PODNL1: variants seen among roughly 807,000 people sequenced by gnomAD.
PODNL1 encodes podocan-like protein 1.
A neutral mutation model predicts 45.1 loss-of-function variants in PODNL1; 50 were observed. That is an observed-to-expected ratio of 1.11 (90% CI 0.88 to 1.40). The LOEUF (loss-of-function observed/expected upper bound fraction) is 1.40, where lower values mean the gene tolerates loss of function less well. Ranked by LOEUF, PODNL1 falls within the 40% of genes most tolerant of loss-of-function variation. The pLI, the probability that PODNL1 is intolerant of heterozygous loss-of-function variation, is 0.00. For missense variants in PODNL1, 788 were observed against 793.3 expected (o/e 0.99, Z 0.08); for synonymous variants, 406 against 372.5 (o/e 1.09, Z -1.04).
chr19:13,939,704 T>C (rs2145447562), upstream of PODNL1, among the ~76,000 whole-genome samples: 1 of 151,710 alleles, frequency 6.6e-6, no homozygotes, highest in African/African-American at 2.4e-5. Flanking sequence ...GAGCCCAACA[T>C]GGTGAAATCC....
intron 1 of PODNL1, among the ~76,000 whole-genome samples, chr19:13,951,470 T>C (rs1973026800): frequency 6.6e-6 from 1 of 151,308 alleles, no homozygotes; most frequent in African/African-American, 2.4e-5. Flanking sequence ...ACTCCGTCCC[T>C]ACAAAAAATA....
upstream of PODNL1, among the ~76,000 whole-genome samples, chr19:13,942,560 C>CT (rs796372774): frequency 2.6e-5 from 4 of 152,292 alleles, no homozygotes; most frequent in South Asian, 8.3e-4. Context: ...CTGCCTGGTC[C>CT]TGCCCAGTTC....
chr19:13,932,866 G>A lies in PODNL1; in HGVS notation c.1357C>T (p.Leu453=). Residue 453 remains leucine (L), a synonymous_variant, in exon 8 of 10, where the codon CTG becomes TTG. Transcript: ENST00000588872. ...AGLDQLRELS[L]AHNRLRVGDI... is the part of the protein sequence containing the mutation. ...CCGACCCGGAGCCGGTTGTGCGCCA[G>A]GCTGAGCTCCCGCAGTTGGTCCAGG... The A allele has an allele frequency of 6.2e-7, 1 of 1,610,686 alleles. No individual in the cohort carries two copies. The highest frequency in any genetic ancestry group is 8.5e-7 in the Non-Finnish European group (1 of 1,179,076).
At chr19:13,946,921 C>T (rs1026590084) in intron 1 of PODNL1, among the ~76,000 whole-genome samples, 1 of 150,386 alleles carries the variant, frequency 6.6e-6, no homozygotes, top group African/African-American at 2.4e-5. Flanking sequence ...CGTGGTGGTA[C>T]GCACTTGTAG....
Position 13,932,742 on chromosome 19 carries a change from A to T in PODNL1, c.1425+56T>A, listed in dbSNP as rs776252547. The T allele has an allele frequency of 2.0e-5, 33 of 1,611,814 alleles. No individual in the cohort carries two copies. The highest frequency in any genetic ancestry group is 2.7e-5 in the Non-Finnish European group (32 of 1,179,406). On this transcript the variant is annotated intron_variant, in intron 8 of 9. Transcript: ENST00000588872. Reference sequence around the variant, plus strand: ...TAGAATGTTTGGGACGTGGCAGGGCAGGCAGGGGGATGGAGGGGCCCTGGG... The same window carrying T: ...TAGAATGTTTGGGACGTGGCAGGGCTGGCAGGGGGATGGAGGGGCCCTGGG...
intron 8 of PODNL1, 116 bp downstream of exon 8, chr19:13,932,682 A>G (rs369762990): frequency 1.3e-6 from 2 of 1,587,354 alleles, no homozygotes. Context: ...ACCCACTCTT[A>G]TCATTTTCTT....
chr19:13,932,932 G>A lies in PODNL1; in HGVS notation c.1291C>T (p.Arg431Cys), dbSNP rs147994983. The change falls in exon 8 of 10, where the codon CGC becomes TGC. Residue 431 changes from arginine (R) to cysteine (C), a missense_variant. Coordinates refer to ENST00000588872, the MANE Select transcript of PODNL1 (RefSeq NM_001370095.3). ...PTGLRTLQLQRNQLRMLEPEP... is the reference protein window; with the variant it reads ...PTGLRTLQLQCNQLRMLEPEP... ...GGCTCGAGCATCCGCAGCTGGTTGCGTTGCAGCTGCAGGGTGCGCAGGCCA... is the reference window on the plus strand; with the variant it reads ...GGCTCGAGCATCCGCAGCTGGTTGCATTGCAGCTGCAGGGTGCGCAGGCCA... 1.5e-3 allele frequency: 2,374 copies of A among 1,570,892 alleles called. 7 individuals are homozygous for A. The highest frequency in any genetic ancestry group is 0.014 in the African/African-American group (1,002 of 74,174).
rs781111784 is a variant in PODNL1, at chr19:13,938,160, C to G, written c.3+19G>C. Reference sequence around the variant, plus strand: ...GGCAGGCAGGCCCCACCCTCAGACCCTCCCGTGCCCCACCTTACCATGGCC... The same window carrying G: ...GGCAGGCAGGCCCCACCCTCAGACCGTCCCGTGCCCCACCTTACCATGGCC... On this transcript the variant is annotated intron_variant, in intron 1 of 9. Transcript: ENST00000588872. The G allele has an allele frequency of 2.5e-6, 4 of 1,598,236 alleles. No individual in the cohort carries two copies. Among genetic ancestry groups the G allele is most frequent in the Non-Finnish European group, 3.4e-6 (4 of 1,173,114 alleles).
rs1365758220 is a variant in PODNL1, at chr19:13,933,001, G to A, written c.1222C>T (p.Leu408=). The A allele has an allele frequency of 1.3e-6, 2 of 1,544,558 alleles. No individual in the cohort carries two copies. Among genetic ancestry groups the A allele is most frequent in the Non-Finnish European group, 1.7e-6 (2 of 1,150,910 alleles). ...AGCCGGGTTAGCTGATTCCCTGCCA[G>A]GTCGAGGCTGCGCAGGGCACGCAAC... ...RRLRALRSLD[L]AGNQLTRLPM... is the part of the protein sequence containing the mutation. Residue 408 remains leucine, a synonymous_variant, in exon 8 of 10, where the codon CTG becomes TTG. Transcript: ENST00000588872. The surrounding 1 kb of genome is among the most constrained non-coding windows in gnomAD (Gnocchi z 5.2).
At chr19:13,934,539 G>T in intron 5 of PODNL1, 129 bp from the exon 6 acceptor site, 1 of 899,898 alleles carries the variant, frequency 1.1e-6, no homozygotes, top group Non-Finnish European at 1.6e-6. Context: ...GCGCGCATGT[G>T]TGGAGTCTGT....
intron 5 of PODNL1, 67 bp from the exon 6 acceptor site, chr19:13,934,477 A>C: frequency 7.1e-7 from 1 of 1,415,192 alleles, no homozygotes; most frequent in Non-Finnish European, 9.3e-7. Flanking sequence ...CCCGCACCAC[A>C]CCCTGCTCAG....
rs1307713139 is a variant in PODNL1, at chr19:13,933,940, G to A, written c.705C>T (p.Leu235=). 1.2e-6 allele frequency: 2 copies of A among 1,612,854 alleles called. No homozygotes were observed. Among genetic ancestry groups the A allele is most frequent in the East Asian group, 2.2e-5 (1 of 44,858 alleles). The change falls in exon 7 of 10, where the codon CTC becomes CTT. Residue 235 remains leucine, a synonymous_variant. Coordinates refer to ENST00000588872, the MANE Select transcript of PODNL1 (RefSeq NM_001370095.3). The surrounding 1 kb of genome is among the most constrained non-coding windows in gnomAD (Gnocchi z 5.2). ...GGTTGTGCTGGAGGTAGAGCTCACG[G>A]AGTTGAGTCTGGCGGCTCAGGGCTC... ...PRGALSRQTQ[L]RELYLQHNQL...
In PODNL1 at chr19:13,952,926, C is replaced by T. The variant is rs2145480617; in HGVS notation, c.18+193G>A. 3.5e-6 allele frequency: 3 copies of T among 859,042 alleles called. No homozygotes were observed. The East Asian group carries it at 9.3e-5, about 27-fold the overall frequency. 53.2% of individuals were successfully genotyped at this position (859,042 alleles called of 1,614,324 possible). Reference sequence around the variant, plus strand: ...GGGAGGGGGCTCGGAGGGAGGCGACCCCAGAGGCCGCAGGGAGAATCAGGA... The same window carrying T: ...GGGAGGGGGCTCGGAGGGAGGCGACTCCAGAGGCCGCAGGGAGAATCAGGA... On this transcript the variant is annotated intron_variant, in intron 1 of 7. Coordinates refer to the PODNL1 transcript ENST00000538371.
chr19:13,932,368 T>TTCATCAC, intron 8 of PODNL1: 2 of 477,704 alleles, frequency 4.2e-6, no homozygotes, highest in Non-Finnish European at 6.9e-6. Flanking sequence ...CTTTCATCAC[T>TTCATCAC]TTTTTTTTCA....
intron 1 of PODNL1, among the ~76,000 whole-genome samples, chr19:13,945,894 A>AC (rs1250885225): frequency 6.8e-6 from 1 of 146,532 alleles, no homozygotes; most frequent in Non-Finnish European, 1.5e-5. Context: ...ATTAAAAAAA[A>AC]AAAAACAAAC....
rs769372578 is a variant in PODNL1 at position 13,933,954 on chromosome 19, G to A, written c.691C>T (p.Arg231Cys). The A allele has an allele frequency of 1.2e-5, 19 of 1,612,010 alleles. No individual in the cohort carries two copies. The highest frequency in any genetic ancestry group is 5.5e-5 in the South Asian group (5 of 90,548). Residue 231 changes from arginine to cysteine, a missense_variant, in exon 7 of 10, where the codon CGC becomes TGC. Around this residue, in one of 3 missense-constraint regions of PODNL1, gnomAD observed 762 missense variants for 750.9 expected, o/e 1.01. Coordinates refer to ENST00000588872, the MANE Select transcript of PODNL1 (RefSeq NM_001370095.3). The surrounding 1 kb of genome is among the most constrained non-coding windows in gnomAD (Gnocchi z 5.2). ...ISKVPRGALS[R>C]QTQLRELYLQ... Reference sequence around the variant, plus strand: ...TAGAGCTCACGGAGTTGAGTCTGGCGGCTCAGGGCTCCTCGGGGCACCTTG... The same window carrying A: ...TAGAGCTCACGGAGTTGAGTCTGGCAGCTCAGGGCTCCTCGGGGCACCTTG...
In PODNL1 at chr19:13,933,244, G is replaced by A. The variant is rs997881805; in HGVS notation, c.979C>T (p.Arg327Trp). 2.3e-5 allele frequency: 35 copies of A among 1,546,252 alleles called. No individual in the cohort carries two copies. Among genetic ancestry groups the A allele is most frequent in the Non-Finnish European group, 2.5e-5 (29 of 1,151,090 alleles). The change falls in exon 8 of 10, where the codon CGG (arginine) becomes TGG (tryptophan). Residue 327 changes from arginine to tryptophan, a missense_variant. Arg to Trp is a moderately radical substitution (Grantham distance 101, BLOSUM62 -3). Coordinates refer to ENST00000588872, the MANE Select transcript of PODNL1 (RefSeq NM_001370095.3). The surrounding 1 kb of genome is among the most constrained non-coding windows in gnomAD (Gnocchi z 5.2). ...GSSGLPAGAL[R>W]PLRGLHTLHL... is the part of the protein sequence containing the mutation. ...AGCGTGTGCAGGCCCCGCAGCGGCC[G>A]CAGAGCCCCGGCGGGCAGCCCTGAG... is the stretch of plus-strand genomic sequence containing the variant.
rs544107314 is a variant in PODNL1 at position 13,931,685 on chromosome 19, C to T, written c.*52G>A. 1.9e-5 allele frequency: 23 copies of T among 1,230,700 alleles called. No individual in the cohort carries two copies. In the East Asian group the frequency reaches 2.2e-4, roughly 12 times the overall value. The allele number at this position is 1,230,700 out of a possible 1,614,324, so 76.2% of individuals were successfully genotyped here. On this transcript the variant is annotated 3_prime_UTR_variant, in exon 10 of 10. Transcript: ENST00000588872. ...TGGTGGGCGTTGTCTCCTCAGTCCA[C>T]GGCCCAGCGGAGTCCCAGGAGTCTG...
chr19:13,946,905 G>T (rs1972834553), intron 1 of PODNL1, among the ~76,000 whole-genome samples: 1 of 151,302 alleles, frequency 6.6e-6, no homozygotes, highest in Admixed American at 6.6e-5. Context: ...ACAAAAATTA[G>T]CTGGCCGTGG....
Sources: allele counts gnomAD v4.1 joint callset (sites outside exome capture counted in the v4.1 genomes callset), GRCh38; gene constraint gnomAD v4.1.1; regional missense constraint gnomAD v4.1.1; non-coding constraint Gnocchi (gnomAD v3.1); transcripts MANE v1.5; gene names NCBI Gene and HGNC (gene_info 2026-07-23, HGNC 2026-07-21).